The following PARVB variants were observed in gnomAD, a reference collection of about 807,000 sequenced individuals.
PARVB encodes the protein parvin beta, also known as beta-parvin.
Under a neutral mutation model 47.0 loss-of-function variants are expected in PARVB, and 46 were observed. The observed-to-expected ratio is 0.98, with a 90% CI of 0.77 to 1.25. PARVB has a LOEUF of 1.25. PARVB is among the 50% of genes most tolerant of loss of function. The probability of loss-of-function intolerance (pLI) is 0.00; values close to 1 mark genes in which losing one functional copy is unlikely to be tolerated. For missense variants in PARVB, 473 were observed against 471.6 expected (o/e 1.00, Z -0.03); for synonymous variants, 196 against 196.3 (o/e 1.00, Z 0.01).
intron 2 of PARVB, among the ~76,000 whole-genome samples, chr22:44,018,277 C>T (rs1417794231): frequency 6.6e-6 from 1 of 152,124 alleles, no homozygotes; most frequent in Non-Finnish European, 1.5e-5. Context: ...TGGTGGGCAT[C>T]TGTAATCCCA....
At position 44,055,684 on chromosome 22, in the gene PARVB, A is replaced by C. The variant is rs1023803236; in HGVS notation, c.112+31233A>C. Among the ~76,000 whole-genome samples, 27 of 149,100 alleles carry C rather than the reference A, an allele frequency of 1.8e-4. 1 individual carries two copies. Among genetic ancestry groups the C allele is most frequent in the South Asian group, 4.2e-4 (2 of 4,770 alleles). The stretch of plus-strand genomic sequence containing the variant: ...TCTCTCTCTCTCTCTCTCTCTATAT[A>C]TATATATATTTGAAGAGATTGATTA... On this transcript the variant is annotated intron_variant, in intron 1 of 12. Coordinates refer to ENST00000338758, the MANE Select transcript of PARVB (RefSeq NM_013327.5).
Position 44,043,441 on chromosome 22 carries a change from C to T in PARVB, c.112+18990C>T, listed in dbSNP as rs536228015. ...TCGCCCATGCTGGAGTGCAGTGGTGCGATCTCAGCTCACTGCAAGCTCCGC... is the reference window on the plus strand; with the variant it reads ...TCGCCCATGCTGGAGTGCAGTGGTGTGATCTCAGCTCACTGCAAGCTCCGC... On this transcript the variant is annotated intron_variant, in intron 1 of 12. Coordinates refer to ENST00000338758, the MANE Select transcript of PARVB (RefSeq NM_013327.5). Among the ~76,000 whole-genome samples the T allele has an allele frequency of 3.3e-5, 5 of 152,208 alleles. No homozygotes were observed. In the South Asian group the frequency reaches 8.3e-4, roughly 25 times the overall value.
At chr22:44,086,124 C>T (rs867031949) in intron 1 of PARVB, among the ~76,000 whole-genome samples, 3 of 152,126 alleles carry the variant, frequency 2.0e-5, no homozygotes, top group East Asian at 1.9e-4. Context: ...ATGTCAGCAC[C>T]GTTCAGAAAC....
intron 1 of PARVB, among the ~76,000 whole-genome samples, 155 bp from the exon 2 acceptor site, chr22:44,093,773 T>C (rs1251091507): frequency 6.6e-6 from 1 of 152,236 alleles, no homozygotes; most frequent in Non-Finnish European, 1.5e-5. Flanking sequence ...AGAGCATTTT[T>C]CCCTCTGACT....
upstream of PARVB, chr22:44,024,233 C>T: frequency 4.8e-6 from 2 of 418,310 alleles, no homozygotes; most frequent in African/African-American, 2.2e-5. Context: ...GGGGCGGGGG[C>T]GGGACCGGGG....
intron 4 of PARVB, among the ~76,000 whole-genome samples, chr22:44,127,046 T>G (rs1314821656): frequency 6.6e-6 from 1 of 152,350 alleles, no homozygotes; most frequent in East Asian, 1.9e-4. Context: ...AATGCAGCAC[T>G]TACTCCGGAG....
intron 1 of PARVB, among the ~76,000 whole-genome samples, chr22:44,032,385 C>T (rs1000139718): frequency 1.3e-5 from 2 of 152,100 alleles, no homozygotes; most frequent in East Asian, 1.9e-4. Context: ...GGGGACTGAA[C>T]GCACCCTTTG....
intron 8 of PARVB, chr22:44,145,903 C>CTTTTTTTT (rs35811915): frequency 6.7e-6 from 1 of 148,940 alleles, no homozygotes; most frequent in Non-Finnish European, 1.5e-5. Flanking sequence ...AAAAATTTCA[C>CTTTTTTTT]TTTTTTTTTT....
At position 44,132,960 on chromosome 22, in the gene PARVB, C is replaced by T. The variant is rs537972520; in HGVS notation, c.584C>T (p.Ala195Val). ...LLVSLAMHFRAPIRLPEHVTV... is the reference protein window; with the variant it reads ...LLVSLAMHFRVPIRLPEHVTV... ...GTCTCTCTGGCCATGCACTTCAGGG[C>T]CCCCATCCGCCTTCCTGAGCATGTA... The change falls in exon 6 of 13, where the codon GCC becomes GTC. Residue 195 changes from alanine (A) to valine (V), a missense_variant. By Grantham distance (64) the Ala-to-Val change is moderately conservative (BLOSUM62 0). Coordinates refer to ENST00000338758, the MANE Select transcript of PARVB (RefSeq NM_013327.5). 114 of 1,614,046 alleles carry T rather than the reference C, an allele frequency of 7.1e-5. 2 individuals carry two copies. In the South Asian group the frequency reaches 1.2e-3, roughly 16 times the overall value.
intron 2 of PARVB, among the ~76,000 whole-genome samples, chr22:44,017,752 C>T (rs954764511): frequency 2.0e-5 from 3 of 152,184 alleles, no homozygotes; most frequent in Non-Finnish European, 2.9e-5. Flanking sequence ...GGCTTTTGCC[C>T]ATTCACATCC....
chr22:44,100,819 G>A (rs912564713), intron 3 of PARVB, among the ~76,000 whole-genome samples: 3 of 152,172 alleles, frequency 2.0e-5, no homozygotes, highest in Admixed American at 6.5e-5. Flanking sequence ...ATCCCCTGAA[G>A]AGGAGAGGCT....
chr22:44,131,399 C>T (rs2053314982), intron 4 of PARVB, 88 bp from the exon 5 acceptor site: 3 of 1,470,664 alleles, frequency 2.0e-6, no homozygotes, highest in East Asian at 2.3e-5. Flanking sequence ...ACCTCGGCCT[C>T]TCAAACTGCT....
At position 44,049,902 on chromosome 22, in the gene PARVB, G is replaced by C. The variant is rs2051177463; in HGVS notation, c.112+25451G>C. On this transcript the variant is annotated intron_variant, in intron 1 of 12. Coordinates refer to ENST00000338758, the MANE Select transcript of PARVB (RefSeq NM_013327.5). This position sits in a 1 kb window ranked among gnomAD's most constrained non-coding sequence, Gnocchi z 4.0. ...GCTCTGGTGGGGAGTGTGTCTCGAT[G>C]TTGTACTGTGAATAAGCCCCATGCC... Among the ~76,000 whole-genome samples the C allele has an allele frequency of 6.6e-6, 1 of 152,186 alleles. No homozygotes were observed. Among genetic ancestry groups the C allele is most frequent in the South Asian group, 2.1e-4 (1 of 4,822 alleles).
intron 1 of PARVB, among the ~76,000 whole-genome samples, chr22:44,061,379 C>T (rs112944800): frequency 0.14 from 20,957 of 148,552 alleles, 1,677 homozygotes; most frequent in Middle Eastern, 0.22. Context: ...TGCAGTGAGC[C>T]GAAGTCACGT....
rs2052485891 is a variant in PARVB at position 44,103,017 on chromosome 22, C to T, written c.273+2894C>T. 6.6e-6 allele frequency: 1 copy of T among 152,400 alleles called. No homozygotes were observed. Among genetic ancestry groups the T allele is most frequent in the East Asian group, 1.9e-4 (1 of 5,190 alleles). The allele number at this position is 152,400 out of a possible 1,614,324, so 9.4% of individuals were successfully genotyped here. ...GGATTCGGGGATGGATAAGTGACTT[C>T]CCTGCTATGCAGGATTTGATTTATG... On this transcript the variant is annotated intron_variant, in intron 3 of 12. Coordinates refer to ENST00000338758, the MANE Select transcript of PARVB (RefSeq NM_013327.5). This position sits in a 1 kb window ranked among gnomAD's most constrained non-coding sequence, Gnocchi z 4.6.
rs188973655 is a variant in PARVB at position 44,064,729 on chromosome 22, C to G, written c.113-29199C>G. Among the ~76,000 whole-genome samples, 197 of 152,292 alleles carry G rather than the reference C, an allele frequency of 1.3e-3. 1 individual carries two copies. The highest frequency in any genetic ancestry group is 2.1e-3 in the Non-Finnish European group (142 of 68,028). On this transcript the variant is annotated intron_variant, in intron 1 of 12. Coordinates refer to ENST00000338758, the MANE Select transcript of PARVB (RefSeq NM_013327.5). ...GTTGGCTGGATATGATGGCATGCAC[C>G]TGTAGTCTCAGCTACTCAGGAGGCT... is the stretch of plus-strand genomic sequence containing the variant.
intron 2 of PARVB, among the ~76,000 whole-genome samples, chr22:44,000,242 T>C (rs1212479185): frequency 6.6e-6 from 1 of 152,222 alleles, no homozygotes; most frequent in African/African-American, 2.4e-5. Context: ...ACACCAGAGA[T>C]TGATTGTTTT....
chr22:44,135,824 G>A (rs2053430495), intron 6 of PARVB, among the ~76,000 whole-genome samples: 1 of 152,144 alleles, frequency 6.6e-6, no homozygotes, highest in African/African-American at 2.4e-5. Context: ...TTCTTGGCTT[G>A]TGGCCACATC....
intron 3 of PARVB, chr22:44,111,469 A>T (rs2052696688): frequency 1.1e-4 from 5 of 47,614 alleles, no homozygotes; most frequent in South Asian, 6.5e-4. Flanking sequence ...TTTTTTTTTG[A>T]GACAGGGTCT....
Sources: allele counts gnomAD v4.1 joint callset (sites outside exome capture counted in the v4.1 genomes callset), GRCh38; gene constraint gnomAD v4.1.1; non-coding constraint Gnocchi (gnomAD v3.1); transcripts MANE v1.5; gene names NCBI Gene and HGNC (gene_info 2026-07-23, HGNC 2026-07-21).